KHDRBS3: variants seen among roughly 807,000 people sequenced by gnomAD.
KHDRBS3 encodes KH RNA binding domain containing, signal transduction associated 3.
A neutral mutation model predicts 45.6 loss-of-function variants in KHDRBS3; 23 were observed. The observed-to-expected ratio is 0.50, with a 90% CI of 0.36 to 0.72. The LOEUF is 0.72. Among genes scored for constraint, KHDRBS3 ranks in the 30% least tolerant of loss-of-function variants. KHDRBS3 has a pLI of 0.00. For synonymous variants in KHDRBS3, 162 were observed against 156.5 expected (o/e 1.04, Z -0.26); for missense variants, 352 against 424.8 (o/e 0.83, Z 1.51).
chr8:135,557,343 A>G, intron 4 of KHDRBS3, 105 bp from the exon 5 acceptor site: 1 of 540,626 alleles, frequency 1.8e-6, no homozygotes, highest in Non-Finnish European at 3.0e-6. Context: ...AAATTCAACT[A>G]TTTTCCTAAC....
rs561532969 is a variant in KHDRBS3, at chr8:135,547,954, C to T, written c.325-800C>T. Among the ~76,000 whole-genome samples the T allele has an allele frequency of 8.5e-5, 13 of 152,246 alleles. No homozygotes were observed. In the South Asian group the frequency reaches 1.5e-3, roughly 17 times the overall value. On this transcript the variant is annotated intron_variant, in intron 3 of 8. Coordinates refer to ENST00000355849, the MANE Select transcript of KHDRBS3 (RefSeq NM_006558.3). ...TCTGTTTTTTTCTCCTCCTAATTTT[C>T]GTCCTGCATTTCCTTATGGAAACAA...
chr8:135,582,750 A>G (rs1309011851), intron 6 of KHDRBS3, among the ~76,000 whole-genome samples: 3 of 152,208 alleles, frequency 2.0e-5, no homozygotes, highest in Admixed American at 2.0e-4. Flanking sequence ...GTGTATGTGA[A>G]CCATTGTCAA....
intron 1 of KHDRBS3, among the ~76,000 whole-genome samples, chr8:135,506,111 T>G (rs1335732345): frequency 3.9e-5 from 6 of 152,206 alleles, no homozygotes; most frequent in South Asian, 2.1e-4. Context: ...ACTTCCACTT[T>G]TGTTAATTCA....
intron 1 of KHDRBS3, among the ~76,000 whole-genome samples, chr8:135,500,268 T>C (rs1823669790): frequency 6.6e-6 from 1 of 152,076 alleles, no homozygotes; most frequent in African/African-American, 2.4e-5. Flanking sequence ...TCTTTTTTTT[T>C]TTTGTAACTA....
intron 1 of KHDRBS3, among the ~76,000 whole-genome samples, chr8:135,515,183 G>A (rs921985074): frequency 5.3e-5 from 8 of 151,590 alleles, no homozygotes; most frequent in African/African-American, 1.9e-4. Context: ...TGGCTAACAC[G>A]GTGAAACGCC....
At chr8:135,603,671 A>T (rs1829320125) in intron 6 of KHDRBS3, among the ~76,000 whole-genome samples, 1 of 152,190 alleles carries the variant, frequency 6.6e-6, no homozygotes, top group African/African-American at 2.4e-5. Flanking sequence ...AAATTTTTTT[A>T]AATATTAGTG....
At chr8:135,528,964 T>C (rs1453784166) in intron 2 of KHDRBS3, among the ~76,000 whole-genome samples, 3 of 152,184 alleles carry the variant, frequency 2.0e-5, no homozygotes, top group Admixed American at 2.0e-4. Flanking sequence ...ATTGAAACCA[T>C]AGCAGCTGGC....
intron 1 of KHDRBS3, among the ~76,000 whole-genome samples, chr8:135,487,431 C>T (rs1481810917): frequency 6.6e-6 from 1 of 152,118 alleles, no homozygotes; most frequent in Non-Finnish European, 1.5e-5. Flanking sequence ...AGATACTGAA[C>T]TCTGGGCTAG....
intron 7 of KHDRBS3, among the ~76,000 whole-genome samples, chr8:135,639,067 G>A (rs900972596): frequency 3.3e-5 from 5 of 152,136 alleles, no homozygotes; most frequent in African/African-American, 1.2e-4. Context: ...AGGAAGAGGT[G>A]TAGTAATCAG....
At chr8:135,632,815 C>G (rs1403193807) in intron 7 of KHDRBS3, among the ~76,000 whole-genome samples, 1 of 152,166 alleles carries the variant, frequency 6.6e-6, no homozygotes, top group Non-Finnish European at 1.5e-5. Flanking sequence ...CTTGTCCTCT[C>G]TGCTCCAATT....
intron 1 of KHDRBS3, among the ~76,000 whole-genome samples, chr8:135,497,874 T>C (rs1345767833): frequency 6.6e-6 from 1 of 152,208 alleles, no homozygotes; most frequent in African/African-American, 2.4e-5. Flanking sequence ...GTTTGTATTA[T>C]TCCATTTGAC....
intron 1 of KHDRBS3, among the ~76,000 whole-genome samples, chr8:135,467,245 A>G (rs1373297615): frequency 1.3e-5 from 2 of 152,382 alleles, no homozygotes; most frequent in East Asian, 3.9e-4. Flanking sequence ...TATTACACAT[A>G]TATTTCTGTT....
intron 1 of KHDRBS3, among the ~76,000 whole-genome samples, chr8:135,490,313 T>C (rs1823082010): frequency 6.6e-6 from 1 of 152,182 alleles, no homozygotes; most frequent in Admixed American, 6.5e-5. Flanking sequence ...CTTTTCACAA[T>C]ACTCTAGTGA....
intron 1 of KHDRBS3, among the ~76,000 whole-genome samples, chr8:135,491,769 G>GT (rs965822286): frequency 6.6e-6 from 1 of 152,096 alleles, no homozygotes; most frequent in Non-Finnish European, 1.5e-5. Context: ...AGACAACGTT[G>GT]TTTTAGCCTT....
rs369068390 is a variant in KHDRBS3, at chr8:135,607,588, C to T, written c.890+551C>T. On this transcript the variant is annotated intron_variant, in intron 7 of 8. Transcript: ENST00000355849. ...AGGCAAAACAGAGCTTCATACTTAC[C>T]TCTTCTGATAATATTACCTTGATGT... Among the ~76,000 whole-genome samples the T allele has an allele frequency of 2.5e-4, 38 of 152,278 alleles. No individual in the cohort carries two copies. The East Asian group carries it at 3.7e-3, about 15-fold the overall frequency.
Position 135,647,386 on chromosome 8 carries a change from T to G in KHDRBS3, c.*302T>G. The stretch of plus-strand genomic sequence containing the variant: ...TTTACTAAATATGTTAATCTATTCT[T>G]TTAACATAAGCCTCACCTTTCATTT... On this transcript the variant is annotated 3_prime_UTR_variant, in exon 9 of 9. Coordinates refer to ENST00000355849, the MANE Select transcript of KHDRBS3 (RefSeq NM_006558.3). 1 of 193,686 alleles carries G rather than the reference T, an allele frequency of 5.2e-6. No individual in the cohort carries two copies. The allele number at this position is 193,686 out of a possible 1,614,324, so 12.0% of individuals were successfully genotyped here.
At chr8:135,647,650 T>A (rs968279907), downstream of KHDRBS3, 7 of 152,688 alleles carry the variant, frequency 4.6e-5, no homozygotes, top group South Asian at 2.1e-4. Flanking sequence ...GGTTTTTTTT[T>A]ATTTAAAAAG....
intron 1 of KHDRBS3, among the ~76,000 whole-genome samples, chr8:135,500,176 A>C (rs2130497514): frequency 6.6e-6 from 1 of 152,270 alleles, no homozygotes; most frequent in East Asian, 1.9e-4. Flanking sequence ...AGGAGATGAA[A>C]GTTTAGCTCA....
At position 135,557,981 on chromosome 8, in the gene KHDRBS3, C is replaced by A. The variant is rs193265960; in HGVS notation, c.611+394C>A. On this transcript the variant is annotated intron_variant, in intron 5 of 8. Transcript: ENST00000355849. ...GATTCTAGGTGAATATTATTATTCA[C>A]TGTAATATTACTTCTTAAATTTTTT... Among the ~76,000 whole-genome samples the A allele has an allele frequency of 3.8e-4, 58 of 152,300 alleles. No individual in the cohort carries two copies. In the East Asian group the frequency reaches 8.7e-3, roughly 23 times the overall value.
Sources: allele counts gnomAD v4.1 joint callset (sites outside exome capture counted in the v4.1 genomes callset), GRCh38; gene constraint gnomAD v4.1.1; transcripts MANE v1.5; gene names NCBI Gene and HGNC (gene_info 2026-07-23, HGNC 2026-07-21).